ZNF689: variants seen among roughly 807,000 people sequenced by gnomAD.
ZNF689 encodes short ORF-encoded histone-binding protein.
Under a neutral mutation model 37.2 loss-of-function variants are expected in ZNF689, and 14 were observed. The observed-to-expected ratio is 0.38, with a 90% CI of 0.25 to 0.59. The LOEUF (loss-of-function observed/expected upper bound fraction) is 0.59. Among genes scored for constraint, ZNF689 ranks in the 20% least tolerant of loss-of-function variants. ZNF689 has a pLI of 0.68. For synonymous variants in ZNF689, 277 were observed against 283.3 expected (o/e 0.98, Z 0.22); for missense variants, 573 against 700.2 (o/e 0.82, Z 2.05).
At position 30,605,343 on chromosome 16, in the gene ZNF689, G is replaced by C. The variant is rs781174559; in HGVS notation, c.424C>G (p.Pro142Ala). 3.1e-6 allele frequency: 5 copies of C among 1,613,598 alleles called. No homozygotes were observed. The highest frequency in any genetic ancestry group is 1.1e-5 in the South Asian group (1 of 91,048). ...GRRPSKPRLI[P>A]RQTSGGPICP... ...ATGGGGCCCCCGGACGTCTGCCTAG[G>C]AATCAGTCGGGGTTTGCTGGGCCTC... Residue 142 changes from proline to alanine, a missense_variant, in exon 3 of 3, where the codon CCT becomes GCT. By Grantham distance (27) the Pro-to-Ala change is conservative. This residue lies in a region of ZNF689 where 252 missense variants were observed against 313.3 expected (regional missense o/e 0.80). Coordinates refer to ENST00000287461, the MANE Select transcript of ZNF689 (RefSeq NM_138447.3). The surrounding 1 kb of genome is among the most constrained non-coding windows in gnomAD (Gnocchi z 5.1).
At chr16:30,608,978 CG>C (rs572161438) in intron 2 of ZNF689, among the ~76,000 whole-genome samples, 86 of 152,230 alleles carry the variant, frequency 5.6e-4, no homozygotes, top group African/African-American at 2.0e-3. Flanking sequence ...GTCATCCTGC[CG>C]TAAGAGCAGA....
In ZNF689 at chr16:30,610,157, G is replaced by T; in HGVS notation, c.-116C>A. On this transcript the variant is annotated 5_prime_UTR_variant, in exon 1 of 3. Coordinates refer to ENST00000287461, the MANE Select transcript of ZNF689 (RefSeq NM_138447.3). Reference sequence around the variant, plus strand: ...ACCAGGGCTGAGCGTGGCCGGGGAGGCCCGGAGGGAATCGGAATTGGTCGC... The same window carrying T: ...ACCAGGGCTGAGCGTGGCCGGGGAGTCCCGGAGGGAATCGGAATTGGTCGC... 1.6e-6 allele frequency: 2 copies of T among 1,266,212 alleles called. No homozygotes were observed. Among genetic ancestry groups the T allele is most frequent in the South Asian group, 1.6e-5 (1 of 64,208 alleles). 78.4% of individuals were successfully genotyped at this position (1,266,212 alleles called of 1,614,324 possible).
rs2052084388 is a variant in ZNF689, at chr16:30,610,283, G to C, written c.-242C>G. 2 of 551,832 alleles carry C rather than the reference G, an allele frequency of 3.6e-6. No individual in the cohort carries two copies. The highest frequency in any genetic ancestry group is 2.4e-5 in the South Asian group (1 of 42,298). 34.2% of individuals were successfully genotyped at this position (551,832 alleles called of 1,614,324 possible). On this transcript the variant is annotated 5_prime_UTR_variant, in exon 1 of 3. Transcript: ENST00000287461. ...TGCCTTCGGGGAAAATGGCGGCGCT[G>C]CTACCGCACCGCCTTTGCCTGGAAC...
chr16:30,607,313 C>CCAAGCG (rs1018155464), intron 2 of ZNF689, among the ~76,000 whole-genome samples: 1 of 149,840 alleles, frequency 6.7e-6, no homozygotes, highest in African/African-American at 2.5e-5. Context: ...TAAGTCCCAG[C>CCAAGCG]CAAGCGCAGT....
chr16:30,604,483 G>A lies in ZNF689; in HGVS notation c.1284C>T (p.Pro428=). 6.2e-7 allele frequency: 1 copy of A among 1,604,786 alleles called. No homozygotes were observed. The highest frequency in any genetic ancestry group is 1.7e-5 in the Admixed American group (1 of 58,280). ...GCTTGGAGCAAAGGTCGCAGGCATA[G>A]GGCCGCTCGCCCGAGTGCACGCGCC... ...SHRRVHSGER[P]YACDLCSKRF... Residue 428 remains proline (P), a synonymous_variant, in exon 3 of 3, where the codon CCC becomes CCT. Transcript: ENST00000287461. This position sits in a 1 kb window ranked among gnomAD's most constrained non-coding sequence, Gnocchi z 5.2.
Position 30,604,564 on chromosome 16 carries a change from G to A in ZNF689, c.1203C>T (p.His401=), listed in dbSNP as rs772040607. 41 of 1,588,810 alleles carry A rather than the reference G, an allele frequency of 2.6e-5. No homozygotes were observed. Among genetic ancestry groups the A allele is most frequent in the East Asian group, 4.6e-5 (2 of 43,496 alleles). The change falls in exon 3 of 3, where the codon CAC becomes CAT. Residue 401 remains histidine (H), a synonymous_variant. Transcript: ENST00000287461. The surrounding 1 kb of genome is among the most constrained non-coding windows in gnomAD (Gnocchi z 5.2). Reference sequence around the variant, plus strand: ...AGCGGCGACCACAGTCGTCGCAGGCGTGCAGCTTCTCCTCTGTGTGCGTGC... The same window carrying A: ...AGCGGCGACCACAGTCGTCGCAGGCATGCAGCTTCTCCTCTGTGTGCGTGC... The part of the protein sequence containing the change: ...HRSTHTEEKL[H]ACDDCGRRFA...
At position 30,603,832 on chromosome 16, in the gene ZNF689, G is replaced by A. The variant is rs1165565170; in HGVS notation, c.*432C>T. On this transcript the variant is annotated 3_prime_UTR_variant, in exon 3 of 3. Coordinates refer to ENST00000287461, the MANE Select transcript of ZNF689 (RefSeq NM_138447.3). ...ATGGGTAGAAGACCACTTGGCAGGA[G>A]TGTTGCAAAAAGTGGGCTAAACCAG... The A allele has an allele frequency of 3.0e-6, 1 of 335,508 alleles. No homozygotes were observed. The highest frequency in any genetic ancestry group is 5.9e-6 in the Non-Finnish European group (1 of 170,572). The allele number at this position is 335,508 out of a possible 1,614,324, so 20.8% of individuals were successfully genotyped here.
chr16:30,603,065 G>A lies in ZNF689; in HGVS notation c.*1199C>T, dbSNP rs2051993805. ...TCAGCTCATTTTGTGAAAAAATGCTGACTGAGGCCTCATGGAAGTTCTGTG... is the reference window on the plus strand; with the variant it reads ...TCAGCTCATTTTGTGAAAAAATGCTAACTGAGGCCTCATGGAAGTTCTGTG... On this transcript the variant is annotated 3_prime_UTR_variant, in exon 3 of 3. Coordinates refer to ENST00000287461, the MANE Select transcript of ZNF689 (RefSeq NM_138447.3). 6.6e-6 allele frequency: 1 copy of A among 152,184 alleles called. No homozygotes were observed. The highest frequency in any genetic ancestry group is 1.5e-5 in the Non-Finnish European group (1 of 68,070). 9.4% of individuals were successfully genotyped at this position (152,184 alleles called of 1,614,324 possible).
At position 30,610,137 on chromosome 16, in the gene ZNF689, G is replaced by A. The variant is rs767408643; in HGVS notation, c.-96C>T. On this transcript the variant is annotated 5_prime_UTR_variant, in exon 1 of 3. Coordinates refer to ENST00000287461, the MANE Select transcript of ZNF689 (RefSeq NM_138447.3). ...GATCGAGGAGCCCCTGCCGGACCAG[G>A]GCTGAGCGTGGCCGGGGAGGCCCGG... 31 of 1,389,980 alleles carry A rather than the reference G, an allele frequency of 2.2e-5. No individual in the cohort carries two copies. The highest frequency in any genetic ancestry group is 7.6e-5 in the East Asian group (3 of 39,708). 86.1% of individuals were successfully genotyped at this position (1,389,980 alleles called of 1,614,324 possible).
At chr16:30,609,680 C>T (rs1308964581) in intron 1 of ZNF689, 42 bp from the exon 2 acceptor site, 4 of 1,612,930 alleles carry the variant, frequency 2.5e-6, no homozygotes, top group Non-Finnish European at 3.4e-6. Context: ...TCCTAGATCA[C>T]GCCGAGTAGT....
rs779342836 is a variant in ZNF689 at position 30,605,123 on chromosome 16, G to A, written c.644C>T (p.Ser215Phe). ...GTGCTGGGAGAGGTTCTTGCGCTGG[G>A]AGAAACGTTTGCCACACTGGTCACA... ...YVCDQCGKRF[S>F]QRKNLSQHQV... The change falls in exon 3 of 3, where the codon TCC (serine) becomes TTC (phenylalanine). Residue 215 changes from serine to phenylalanine, a missense_variant. By Grantham distance (155) the Ser-to-Phe change is radical. Coordinates refer to ENST00000287461, the MANE Select transcript of ZNF689 (RefSeq NM_138447.3). This position sits in a 1 kb window ranked among gnomAD's most constrained non-coding sequence, Gnocchi z 5.1. 1 of 1,614,066 alleles carries A rather than the reference G, an allele frequency of 6.2e-7. No individual in the cohort carries two copies. The highest frequency in any genetic ancestry group is 1.7e-5 in the Admixed American group (1 of 60,018).
chr16:30,603,970 A>C lies in ZNF689; in HGVS notation c.*294T>G, dbSNP rs1415319005. ...GTAATCCCTGTGTGGACAGACTAGA[A>C]AAGCAGACAGCCCCTAAAATAGATG... On this transcript the variant is annotated 3_prime_UTR_variant, in exon 3 of 3. Coordinates refer to ENST00000287461, the MANE Select transcript of ZNF689 (RefSeq NM_138447.3). 1 of 550,406 alleles carries C rather than the reference A, an allele frequency of 1.8e-6. No homozygotes were observed. The highest frequency in any genetic ancestry group is 4.0e-5 in the East Asian group (1 of 24,744). 34.1% of individuals were successfully genotyped at this position (550,406 alleles called of 1,614,324 possible).
Position 30,605,541 on chromosome 16 carries a change from G to A in ZNF689, c.320-94C>T. 1 of 1,315,102 alleles carries A rather than the reference G, an allele frequency of 7.6e-7. No individual in the cohort carries two copies. The highest frequency in any genetic ancestry group is 1.4e-5 in the South Asian group (1 of 70,092). 81.5% of individuals were successfully genotyped at this position (1,315,102 alleles called of 1,614,324 possible). A position where few individuals can be genotyped will look rare whatever the true frequency, so the allele number is the denominator to read the frequency against. On this transcript the variant is annotated intron_variant, in intron 2 of 2. Transcript: ENST00000287461. The surrounding 1 kb of genome is among the most constrained non-coding windows in gnomAD (Gnocchi z 5.1). Reference sequence around the variant, plus strand: ...TACAAGACCAATAGACTCACCCCCTGGTCTCAATTCCTAGTGCCACAGACA... The same window carrying A: ...TACAAGACCAATAGACTCACCCCCTAGTCTCAATTCCTAGTGCCACAGACA...
Position 30,604,190 on chromosome 16 carries a change from A to G in ZNF689, c.*74T>C, listed in dbSNP as rs1347633343. On this transcript the variant is annotated 3_prime_UTR_variant, in exon 3 of 3. Coordinates refer to ENST00000287461, the MANE Select transcript of ZNF689 (RefSeq NM_138447.3). The surrounding 1 kb of genome is among the most constrained non-coding windows in gnomAD (Gnocchi z 5.2). ...GGGTTTAGTTCTGACTCTGCCCTGT[A>G]TGACCTGGGGCTCCTCCTTCCCTTT... 6.5e-7 allele frequency: 1 copy of G among 1,527,640 alleles called. No homozygotes were observed. Among genetic ancestry groups the G allele is most frequent in the Non-Finnish European group, 9.0e-7 (1 of 1,109,660 alleles). The allele number at this position is 1,527,640 out of a possible 1,614,324, so 94.6% of individuals were successfully genotyped here.
Position 30,603,251 on chromosome 16 carries a change from A to G in ZNF689, c.*1013T>C, listed in dbSNP as rs894287916. ...CATTTGCACTTCCTGCTGCTAAACC[A>G]CAGGTCCCTGCTTCTCCTTAAGAGC... On this transcript the variant is annotated 3_prime_UTR_variant, in exon 3 of 3. Transcript: ENST00000287461. The G allele has an allele frequency of 6.6e-6, 1 of 152,078 alleles. No homozygotes were observed. The highest frequency in any genetic ancestry group is 2.4e-5 in the African/African-American group (1 of 41,388). The allele number at this position is 152,078 out of a possible 1,614,324, so 9.4% of individuals were successfully genotyped here.
Position 30,609,508 on chromosome 16 carries a change from G to A in ZNF689, c.319+17C>T. 3 of 1,609,308 alleles carry A rather than the reference G, an allele frequency of 1.9e-6. No individual in the cohort carries two copies. Among genetic ancestry groups the A allele is most frequent in the East Asian group, 2.2e-5 (1 of 44,848 alleles). On this transcript the variant is annotated intron_variant, in intron 2 of 2. Transcript: ENST00000287461. The stretch of plus-strand genomic sequence containing the variant: ...TATAGGAGGGCTGCAGGCTCTGCGT[G>A]GTTATTTAGCACTCACTTCTCTGGA...
In ZNF689 at chr16:30,605,151, CAT is replaced by C; in HGVS notation, c.614_615del (p.Tyr205CysfsTer3). 6.2e-7 allele frequency: 1 copy of C among 1,614,106 alleles called. No individual in the cohort carries two copies. The highest frequency in any genetic ancestry group is 8.5e-7 in the Non-Finnish European group (1 of 1,180,018). On this transcript the variant is annotated frameshift_variant, in exon 3 of 3. Coordinates refer to ENST00000287461, the MANE Select transcript of ZNF689 (RefSeq NM_138447.3). LOFTEE classifies it high-confidence loss of function. This position sits in a 1 kb window ranked among gnomAD's most constrained non-coding sequence, Gnocchi z 5.1. ...HRRAHSGECP[Y>X]VCDQCGKRFS... ...AAACGTTTGCCACACTGGTCACAAA[CAT>C]AGGGGCACTCGCCGGAGTGTGCCCG...
rs1262365656 is a variant in ZNF689 at position 30,604,376 on chromosome 16, C to T, written c.1391G>A (p.Arg464Gln). 4 of 1,613,642 alleles carry T rather than the reference C, an allele frequency of 2.5e-6. No individual in the cohort carries two copies. Among genetic ancestry groups the T allele is most frequent in the East Asian group, 4.5e-5 (2 of 44,878 alleles). ...CAGAGACCACCTCTGGCGGAAGCAC[C>T]GGCCACACTCGAGGCAGGGGAAAGG... ...EKPFPCLECG[R>Q]CFRQRWSLAV... Residue 464 changes from arginine (R) to glutamine (Q), a missense_variant, in exon 3 of 3, where the codon CGG (arginine) becomes CAG (glutamine). Physicochemically the swap from Arg to Gln is conservative, Grantham distance 43. Coordinates refer to ENST00000287461, the MANE Select transcript of ZNF689 (RefSeq NM_138447.3). This position sits in a 1 kb window ranked among gnomAD's most constrained non-coding sequence, Gnocchi z 5.2.
Position 30,605,143 on chromosome 16 carries a change from G to A in ZNF689, c.624C>T (p.Asp208=), listed in dbSNP as rs775167748. ...AHSGECPYVC[D]QCGKRFSQRK... ...GCTGGGAGAAACGTTTGCCACACTG[G>A]TCACAAACATAGGGGCACTCGCCGG... The change falls in exon 3 of 3, where the codon GAC becomes GAT. Residue 208 remains aspartate (D), a synonymous_variant. Transcript: ENST00000287461. This position sits in a 1 kb window ranked among gnomAD's most constrained non-coding sequence, Gnocchi z 5.1. The A allele has an allele frequency of 6.2e-7, 1 of 1,613,594 alleles. No homozygotes were observed. Among genetic ancestry groups the A allele is most frequent in the Non-Finnish European group, 8.5e-7 (1 of 1,179,940 alleles).
Sources: allele counts gnomAD v4.1 joint callset (sites outside exome capture counted in the v4.1 genomes callset), GRCh38; gene constraint gnomAD v4.1.1; regional missense constraint gnomAD v4.1.1; non-coding constraint Gnocchi (gnomAD v3.1); transcripts MANE v1.5; gene names NCBI Gene and HGNC (gene_info 2026-07-23, HGNC 2026-07-21).